Variants in GRID1 observed in about 807,000 individuals in gnomAD.
The protein encoded by GRID1 is glutamate ionotropic receptor delta type subunit 1.
A neutral mutation model predicts 98.0 loss-of-function variants in GRID1; 28 were observed. The ratio of observed to expected loss-of-function variants is 0.29; its 90% confidence interval spans 0.21 to 0.39. The LOEUF (loss-of-function observed/expected upper bound fraction) is 0.39, where lower values mean the gene tolerates loss of function less well. Ranked by LOEUF, GRID1 falls within the 10% of genes least tolerant of loss-of-function variation. The pLI is 1.00. For missense variants in GRID1, 1,111 were observed against 1,340.5 expected (o/e 0.83, Z 2.67); for synonymous variants, 553 against 538.5 (o/e 1.03, Z -0.37).
In GRID1 at chr10:85,753,003, G is replaced by C. The variant is rs1042093843; in HGVS notation, c.1234-23389C>G. On this transcript the variant is annotated intron_variant, in intron 8 of 15. Coordinates refer to ENST00000327946, the MANE Select transcript of GRID1 (RefSeq NM_017551.3). ...TGTTCTGAAATCCTACTTTTCCCTC[G>C]GGTATCTCATGTCCCACACTTCAGT... is the stretch of plus-strand genomic sequence containing the variant. 3.3e-5 allele frequency among the ~76,000 whole-genome samples: 5 copies of C among 152,134 alleles called. No homozygotes were observed. In the South Asian group the frequency reaches 6.2e-4, roughly 19 times the overall value.
intron 4 of GRID1, among the ~76,000 whole-genome samples, chr10:86,108,066 A>T (rs1353016215): frequency 6.6e-6 from 1 of 152,234 alleles, no homozygotes; most frequent in East Asian, 1.9e-4. Context: ...GCCTACAGAC[A>T]GCAAACTAAG....
At chr10:86,047,146 C>T (rs1487754257) in intron 4 of GRID1, among the ~76,000 whole-genome samples, 1 of 152,234 alleles carries the variant, frequency 6.6e-6, no homozygotes, top group Non-Finnish European at 1.5e-5. Flanking sequence ...CCTTCAATGA[C>T]TGAAAATACC....
At chr10:85,814,156 T>C (rs934553672) in intron 8 of GRID1, among the ~76,000 whole-genome samples, 1 of 151,816 alleles carries the variant, frequency 6.6e-6, no homozygotes, top group Non-Finnish European at 1.5e-5. Context: ...CAGATATTGA[T>C]AGAGTGGACA....
At chr10:85,877,565 T>G (rs1041780562) in intron 5 of GRID1, among the ~76,000 whole-genome samples, 1 of 152,208 alleles carries the variant, frequency 6.6e-6, no homozygotes, top group Non-Finnish European at 1.5e-5. Context: ...GTGTCCTGTC[T>G]GTTAGAAGGA....
intron 13 of GRID1, among the ~76,000 whole-genome samples, chr10:85,624,637 G>A (rs1057353708): frequency 2.0e-5 from 3 of 152,092 alleles, no homozygotes; most frequent in African/African-American, 4.8e-5. Flanking sequence ...CATTTCTAGC[G>A]GTTTCTTAAA....
chr10:86,283,376 G>A (rs751476653), intron 2 of GRID1, among the ~76,000 whole-genome samples: 3 of 152,166 alleles, frequency 2.0e-5, no homozygotes, highest in Admixed American at 6.5e-5. Context: ...CCCACATGTG[G>A]TGAGGGGCCC....
intron 2 of GRID1, among the ~76,000 whole-genome samples, chr10:86,315,454 T>C (rs1847885028): frequency 6.6e-6 from 1 of 152,162 alleles, no homozygotes; most frequent in Admixed American, 6.5e-5. Context: ...CTGCTTCCTC[T>C]AATGAGTCCA....
intron 5 of GRID1, among the ~76,000 whole-genome samples, chr10:85,904,355 G>T (rs1394100259): frequency 2.0e-5 from 3 of 152,196 alleles, no homozygotes; most frequent in East Asian, 3.9e-4. Flanking sequence ...TGCCTTTAGA[G>T]AATTTCCATG....
chr10:85,888,087 T>C (rs906950615), intron 5 of GRID1, among the ~76,000 whole-genome samples: 1 of 152,218 alleles, frequency 6.6e-6, no homozygotes, highest in East Asian at 1.9e-4. Context: ...TGCCAGGACA[T>C]CAAAACAGGA....
At chr10:86,116,355 C>T (rs142692184) in intron 4 of GRID1, among the ~76,000 whole-genome samples, 1 of 152,160 alleles carries the variant, frequency 6.6e-6, no homozygotes, top group South Asian at 2.1e-4. Context: ...AATGCCTCTA[C>T]CCCTAGAATC....
chr10:85,950,882 A>G (rs1842111579), intron 4 of GRID1, among the ~76,000 whole-genome samples: 1 of 152,176 alleles, frequency 6.6e-6, no homozygotes, highest in Non-Finnish European at 1.5e-5. Flanking sequence ...ACTGTCACTG[A>G]TCATTCAAGA....
At chr10:86,144,408 G>C (rs1241491372) in intron 3 of GRID1, among the ~76,000 whole-genome samples, 3 of 152,164 alleles carry the variant, frequency 2.0e-5, no homozygotes, top group Non-Finnish European at 4.4e-5. Context: ...CTGTGGAACT[G>C]CCAGGAAAGG....
chr10:86,032,696 G>A (rs375480639), intron 4 of GRID1, among the ~76,000 whole-genome samples: 3 of 152,014 alleles, frequency 2.0e-5, no homozygotes, highest in African/African-American at 4.8e-5. Flanking sequence ...GCGGAAGGCC[G>A]CAGGGTCCTC....
intron 8 of GRID1, among the ~76,000 whole-genome samples, chr10:85,794,977 C>G (rs1842513400): frequency 6.6e-6 from 1 of 151,984 alleles, no homozygotes; most frequent in Admixed American, 6.5e-5. Context: ...CACATTCTCC[C>G]CCAACTTCTA....
intron 4 of GRID1, among the ~76,000 whole-genome samples, chr10:85,952,101 T>C (rs1842132987): frequency 6.6e-6 from 1 of 152,226 alleles, no homozygotes; most frequent in African/African-American, 2.4e-5. Flanking sequence ...AAGACTTACG[T>C]CGATTCTCCT....
At chr10:85,885,028 CTAAAA>C (rs374500324) in intron 5 of GRID1, among the ~76,000 whole-genome samples, 4 of 152,092 alleles carry the variant, frequency 2.6e-5, no homozygotes, top group African/African-American at 7.2e-5. Flanking sequence ...TGTGAATACA[CTAAAA>C]TATGAGAAAT....
chr10:85,647,578 A>T, intron 12 of GRID1, 181 bp from the exon 13 acceptor site: 1 of 590,990 alleles, frequency 1.7e-6, no homozygotes, highest in Non-Finnish European at 3.0e-6. Context: ...GCAGCGCCTC[A>T]TTCAATTACA....
chr10:85,602,072 T>C lies in GRID1; in HGVS notation c.*201A>G. 1 of 449,658 alleles carries C rather than the reference T, an allele frequency of 2.2e-6. No individual in the cohort carries two copies. Among genetic ancestry groups the C allele is most frequent in the Non-Finnish European group, 3.9e-6 (1 of 256,454 alleles). The allele number at this position is 449,658 out of a possible 1,614,324, so 27.9% of individuals were successfully genotyped here. ...ACAGTTTTTGTGTTTTTTTACTGAC[T>C]TCGAAAATTGGGAATATTCAAAATA... On this transcript the variant is annotated 3_prime_UTR_variant, in exon 16 of 16. Transcript: ENST00000327946.
At chr10:86,163,424 T>C (rs1235655766) in intron 3 of GRID1, among the ~76,000 whole-genome samples, 2 of 147,018 alleles carry the variant, frequency 1.4e-5, no homozygotes, top group Non-Finnish European at 3.0e-5. Context: ...TTTTTTTTTT[T>C]CATTATACTT....
Sources: gnomAD v4.1 joint callset for allele counts (sites outside exome capture counted in the v4.1 genomes callset) on GRCh38, gnomAD v4.1.1 for gene constraint, MANE v1.5 for transcripts, NCBI Gene and HGNC (gene_info 2026-07-23, HGNC 2026-07-21) for gene names.